GRIN3A: variants seen among roughly 807,000 people sequenced by gnomAD.
GRIN3A encodes the protein glutamate receptor ionotropic, NMDA 3A.
In GRIN3A, 47 loss-of-function variants were observed where a neutral mutation model predicts 92.4. The ratio of observed to expected loss-of-function variants is 0.51; its 90% CI spans 0.40 to 0.65. The LOEUF is 0.65. Ranked by LOEUF, GRIN3A falls within the 30% of genes least tolerant of loss-of-function variation. The probability of loss-of-function intolerance (pLI) is 0.00; values close to 1 mark genes in which losing one functional copy is unlikely to be tolerated. For missense variants in GRIN3A, 1,324 were observed against 1,393.1 expected (o/e 0.95, Z 0.79); for synonymous variants, 527 against 540.6 (o/e 0.97, Z 0.35).
At position 101,613,478 on chromosome 9, in the gene GRIN3A, G is replaced by A. The variant is rs143542253; in HGVS notation, c.2664C>T (p.Ser888=). The change falls in exon 6 of 9, where the codon TCC becomes TCT. Residue 888 remains serine, a synonymous_variant. Coordinates refer to ENST00000361820, the MANE Select transcript of GRIN3A (RefSeq NM_133445.3). ...GTGACTTGTATTGACTGATTAGCTC[G>A]GATATGTTGGCGGTCAATGGAGAGT... ...PPNSPLTANI[S]ELISQYKSHG... 1.1e-4 allele frequency: 179 copies of A among 1,613,994 alleles called. 1 individual carries two copies. Among genetic ancestry groups the A allele is most frequent in the South Asian group, 5.9e-4 (54 of 91,084 alleles).
intron 3 of GRIN3A, among the ~76,000 whole-genome samples, chr9:101,643,911 A>C (rs938392133): frequency 3.3e-5 from 5 of 151,742 alleles, no homozygotes; most frequent in African/African-American, 1.2e-4. Flanking sequence ...GGATGGCGGG[A>C]TATTCATCAG....
At position 101,579,217 on chromosome 9, in the gene GRIN3A, T is replaced by C. The variant is rs1827860968; in HGVS notation, c.2910A>G (p.Gln970=). 1 of 1,613,870 alleles carries C rather than the reference T, an allele frequency of 6.2e-7. No individual in the cohort carries two copies. The highest frequency in any genetic ancestry group is 1.3e-5 in the African/African-American group (1 of 74,920). Residue 970 remains glutamine (Q), a synonymous_variant, in exon 7 of 9, where the codon CAA becomes CAG. Transcript: ENST00000361820. ...LPRIKNKSKL[Q]YWLHTSQRLH... ...TCACCTGGCTGGTGTGGAGCCAGTATTGCAGCTTGGATTTGTTTTTGATTC... is the reference window on the plus strand; with the variant it reads ...TCACCTGGCTGGTGTGGAGCCAGTACTGCAGCTTGGATTTGTTTTTGATTC...
intron 4 of GRIN3A, among the ~76,000 whole-genome samples, chr9:101,626,419 G>A (rs1195406232): frequency 6.6e-6 from 1 of 152,170 alleles, no homozygotes; most frequent in Non-Finnish European, 1.5e-5. Flanking sequence ...GCTAGGGGTT[G>A]TGCCTTGTAG....
At chr9:101,605,071 C>T (rs974204039) in intron 6 of GRIN3A, among the ~76,000 whole-genome samples, 1 of 152,272 alleles carries the variant, frequency 6.6e-6, no homozygotes, top group Non-Finnish European at 1.5e-5. Flanking sequence ...CACTGTCCTC[C>T]TCTGTGCCCC....
rs561850151 is a variant in GRIN3A, at chr9:101,699,932, T to G, written c.700-12732A>C. 5.3e-5 allele frequency among the ~76,000 whole-genome samples: 8 copies of G among 152,310 alleles called. No individual in the cohort carries two copies. In the East Asian group the frequency reaches 1.2e-3, roughly 22 times the overall value. On this transcript the variant is annotated intron_variant, in intron 1 of 8. Transcript: ENST00000361820. ...CAGAACTTGCTTTGCCTCTTTTTTT[T>G]GCATCGTCAACTCCCAGTCAACTTT...
At position 101,685,332 on chromosome 9, in the gene GRIN3A, C is replaced by T. The variant is rs73658427; in HGVS notation, c.1304+1264G>A. 7.9e-3 allele frequency among the ~76,000 whole-genome samples: 974 copies of T among 123,288 alleles called. 14 individuals carry two copies. The highest frequency in any genetic ancestry group is 0.027 in the African/African-American group (929 of 33,958). The allele number at this position is 123,288 out of a possible 152,430, so 80.9% of individuals were successfully genotyped here. On this transcript the variant is annotated intron_variant, in intron 2 of 8. Coordinates refer to ENST00000361820, the MANE Select transcript of GRIN3A (RefSeq NM_133445.3). ...TCTTTTTTTTTTTTTTTTTTTGAGA[C>T]GGAGTCTCGCTGTGTTGCCCATTAT...
intron 3 of GRIN3A, among the ~76,000 whole-genome samples, chr9:101,629,749 TC>T (rs1760586904): frequency 1.3e-5 from 2 of 152,230 alleles, no homozygotes; most frequent in South Asian, 4.1e-4. Flanking sequence ...TCGTGCTGAA[TC>T]CTCATAATAG....
intron 3 of GRIN3A, among the ~76,000 whole-genome samples, chr9:101,647,962 A>G (rs907419954): frequency 6.6e-6 from 1 of 151,240 alleles, no homozygotes; most frequent in African/African-American, 2.4e-5. Flanking sequence ...TTTGTATTTT[A>G]TTTTAGTCTC....
In GRIN3A at chr9:101,570,519, C is replaced by T. The variant is rs1827744507; in HGVS notation, c.*2655G>A. ...TAACATGAAGACTGCTTCGTTTCAC[C>T]ACAAGCAATTATGGTTTTTCTTTAT... On this transcript the variant is annotated 3_prime_UTR_variant, in exon 9 of 9. Coordinates refer to ENST00000361820, the MANE Select transcript of GRIN3A (RefSeq NM_133445.3). The T allele has an allele frequency of 6.6e-6, 1 of 152,636 alleles. No individual in the cohort carries two copies. Among genetic ancestry groups the T allele is most frequent in the Non-Finnish European group, 1.5e-5 (1 of 68,046 alleles). 9.5% of individuals were successfully genotyped at this position (152,636 alleles called of 1,614,324 possible). A position where few individuals can be genotyped will look rare whatever the true frequency, so the allele number is the denominator to read the frequency against.
chr9:101,595,190 G>T lies in GRIN3A; in HGVS notation c.2767-15830C>A, dbSNP rs181502861. 1.6e-3 allele frequency among the ~76,000 whole-genome samples: 244 copies of T among 152,196 alleles called. 1 individual carries two copies. The highest frequency in any genetic ancestry group is 5.4e-3 in the African/African-American group (224 of 41,508). On this transcript the variant is annotated intron_variant, in intron 6 of 8. Transcript: ENST00000361820. ...AGGAGTATAGGGAGGAGAGAATGGA[G>T]CCTGGGGGTGCCCGGGAGAGGCAGA...
At chr9:101,652,096 C>T (rs1158366255) in intron 3 of GRIN3A, among the ~76,000 whole-genome samples, 1 of 152,010 alleles carries the variant, frequency 6.6e-6, no homozygotes, top group African/African-American at 2.4e-5. Flanking sequence ...GTTTTACATA[C>T]ATTATTTCAT....
chr9:101,594,787 G>C (rs139403132), intron 6 of GRIN3A: 7 of 1,613,592 alleles, frequency 4.3e-6, no homozygotes, highest in Non-Finnish European at 5.9e-6. Flanking sequence ...GCTCCGGCAG[G>C]GACATGAACT....
intron 1 of GRIN3A, among the ~76,000 whole-genome samples, chr9:101,709,332 T>C (rs1258183855): frequency 1.3e-5 from 2 of 152,140 alleles, no homozygotes; most frequent in African/African-American, 4.8e-5. Flanking sequence ...GCTAAGGGGG[T>C]AATCTAAAGG....
chr9:101,646,578 G>A lies in GRIN3A; in HGVS notation c.2353-18177C>T, dbSNP rs148261432. ...AGAATATCATTTGTATTTTCATAGG[G>A]ATTGTATTGAATTTGTAGATCACTT... On this transcript the variant is annotated intron_variant, in intron 3 of 8. Transcript: ENST00000361820. Among the ~76,000 whole-genome samples the A allele has an allele frequency of 6.6e-3, 990 of 151,134 alleles. 11 individuals are homozygous for A. Among genetic ancestry groups the A allele is most frequent in the African/African-American group, 0.023 (939 of 41,112 alleles).
intron 1 of GRIN3A, among the ~76,000 whole-genome samples, chr9:101,698,266 T>C (rs1829706840): frequency 6.6e-6 from 1 of 152,226 alleles, no homozygotes; most frequent in Non-Finnish European, 1.5e-5. Context: ...ACTTAGCATC[T>C]ATTGGTGTTA....
chr9:101,595,864 A>G (rs1828120894), intron 6 of GRIN3A, among the ~76,000 whole-genome samples: 1 of 152,188 alleles, frequency 6.6e-6, no homozygotes, highest in African/African-American at 2.4e-5. Context: ...CAATGTGCCC[A>G]AAGAAGCCTT....
intron 3 of GRIN3A, among the ~76,000 whole-genome samples, chr9:101,632,158 G>T (rs574613605): frequency 6.6e-6 from 1 of 152,016 alleles, no homozygotes; most frequent in Non-Finnish European, 1.5e-5. Flanking sequence ...GTCTTCAGTC[G>T]GCCTGGGACA....
chr9:101,639,181 G>A (rs372996902), intron 3 of GRIN3A, among the ~76,000 whole-genome samples: 1 of 152,104 alleles, frequency 6.6e-6, no homozygotes, highest in African/African-American at 2.4e-5. Context: ...CAACTACCAG[G>A]TACGATACTG....
At chr9:101,688,511 A>T in intron 1 of GRIN3A, among the ~76,000 whole-genome samples, 1 of 152,172 alleles carries the variant, frequency 6.6e-6, no homozygotes. Flanking sequence ...AAAAATCATC[A>T]CTGGGAAGCA....
Sources: allele counts gnomAD v4.1 joint callset (sites outside exome capture counted in the v4.1 genomes callset), GRCh38; gene constraint gnomAD v4.1.1; transcripts MANE v1.5; gene names NCBI Gene and HGNC (gene_info 2026-07-23, HGNC 2026-07-21).